Variants in ARHGAP26 observed in about 807,000 individuals in gnomAD.
ARHGAP26 encodes the protein rho GTPase-activating protein 26.
A neutral mutation model predicts 104.8 loss-of-function variants in ARHGAP26; 38 were observed. That is an observed-to-expected ratio of 0.36 (90% confidence interval 0.28 to 0.48). ARHGAP26 has a LOEUF of 0.48. ARHGAP26 is among the 20% of genes least tolerant of loss of function. The probability of loss-of-function intolerance (pLI) is 0.99; values close to 1 mark genes in which losing one functional copy is unlikely to be tolerated. For missense variants in ARHGAP26, 704 were observed against 947.9 expected, an observed-to-expected ratio of 0.74 and a Z score of 3.38; for synonymous variants, 341 against 340.0, an observed-to-expected ratio of 1.00 and a Z score of -0.03.
chr5:143,038,587 G>A (rs1458144525), intron 13 of ARHGAP26, among the ~76,000 whole-genome samples: 1 of 149,284 alleles, frequency 6.7e-6, no homozygotes, highest in Non-Finnish European at 1.5e-5. Context: ...CGGGCCAAAT[G>A]TCTCAAAAAT....
chr5:142,972,817 C>A (rs1275620097), intron 11 of ARHGAP26, among the ~76,000 whole-genome samples: 1 of 152,120 alleles, frequency 6.6e-6, no homozygotes, highest in Non-Finnish European at 1.5e-5. Flanking sequence ...CTACCCCAAA[C>A]CTGGTAATCA....
chr5:143,173,372 AGGGT>A (rs1478224031), intron 20 of ARHGAP26, among the ~76,000 whole-genome samples: 2 of 152,180 alleles, frequency 1.3e-5, no homozygotes, highest in Non-Finnish European at 2.9e-5. Context: ...ACCATTCTGC[AGGGT>A]GTGCAGGAGC....
At chr5:143,036,633 G>T (rs1782681221) in intron 12 of ARHGAP26, among the ~76,000 whole-genome samples, 1 of 152,102 alleles carries the variant, frequency 6.6e-6, no homozygotes. Context: ...GATGGTATGG[G>T]CTCTAGAGCA....
chr5:142,972,906 A>G (rs1772493354), intron 11 of ARHGAP26, among the ~76,000 whole-genome samples: 1 of 151,658 alleles, frequency 6.6e-6, no homozygotes, highest in Non-Finnish European at 1.5e-5. Context: ...AGATCATGCA[A>G]TATTGTTATT....
chr5:142,985,697 C>T (rs1310670684), intron 11 of ARHGAP26, among the ~76,000 whole-genome samples: 3 of 133,080 alleles, frequency 2.3e-5, no homozygotes, highest in Non-Finnish European at 3.1e-5. Flanking sequence ...TGATGTTCCT[C>T]ACCCTGTGTC....
chr5:143,027,086 C>T (rs1781159844), intron 12 of ARHGAP26, among the ~76,000 whole-genome samples: 1 of 152,008 alleles, frequency 6.6e-6, no homozygotes, highest in Non-Finnish European at 1.5e-5. Context: ...CTCATTCTTT[C>T]AGCCAGGTTG....
rs1158338407 is a variant in ARHGAP26, at chr5:143,012,540, T to TATATATAC, written c.1108-1537_1108-1536insTATACATA. ...TAGAGTCACTGGAGGGATATATTTA[T>TATATATAC]ATACATACATACATATATATATATA... On this transcript the variant is annotated intron_variant, in intron 11 of 22. Transcript: ENST00000645722. Among the ~76,000 whole-genome samples the TATATATAC allele has an allele frequency of 7.2e-3, 296 of 40,954 alleles. 33 individuals carry two copies. Among genetic ancestry groups the TATATATAC allele is most frequent in the African/African-American group, 0.022 (283 of 12,636 alleles). 26.9% of individuals were successfully genotyped at this position (40,954 alleles called of 152,430 possible). A position where few individuals can be genotyped will look rare whatever the true frequency, so the allele number is the denominator to read the frequency against.
chr5:143,054,114 CTG>C (rs1280217996), intron 14 of ARHGAP26, among the ~76,000 whole-genome samples: 1 of 152,128 alleles, frequency 6.6e-6, no homozygotes, highest in Non-Finnish European at 1.5e-5. Flanking sequence ...TGAGGATAGA[CTG>C]TGAGAAATGA....
intron 20 of ARHGAP26, among the ~76,000 whole-genome samples, chr5:143,189,621 A>G (rs939249226): frequency 2.6e-5 from 4 of 152,182 alleles, no homozygotes; most frequent in Non-Finnish European, 5.9e-5. Context: ...TGTACTTCCA[A>G]TAAGTGTTTG....
intron 21 of ARHGAP26, among the ~76,000 whole-genome samples, chr5:143,209,959 C>G (rs1261423661): frequency 6.6e-6 from 1 of 152,092 alleles, no homozygotes; most frequent in Non-Finnish European, 1.5e-5. Flanking sequence ...CCACTGGGGC[C>G]TCCCTCAAAT....
intron 1 of ARHGAP26, among the ~76,000 whole-genome samples, chr5:142,804,181 A>G (rs1203386758): frequency 1.3e-5 from 2 of 152,214 alleles, no homozygotes; most frequent in African/African-American, 4.8e-5. Flanking sequence ...AGTATGTAAC[A>G]ATTTTGACCT....
intron 10 of ARHGAP26, among the ~76,000 whole-genome samples, chr5:142,927,585 TTTG>T (rs1359892571): frequency 6.6e-6 from 1 of 152,264 alleles, no homozygotes; most frequent in African/African-American, 2.4e-5. Flanking sequence ...TGGATATTTA[TTTG>T]TTGTTGTTTT....
intron 11 of ARHGAP26, among the ~76,000 whole-genome samples, chr5:143,004,565 T>C (rs1023914694): frequency 3.3e-5 from 5 of 152,204 alleles, no homozygotes; most frequent in Non-Finnish European, 7.3e-5. Context: ...AGCCTCCTGC[T>C]TTAGTGGACC....
chr5:142,965,357 G>A (rs939461747), intron 11 of ARHGAP26, among the ~76,000 whole-genome samples: 18 of 152,322 alleles, frequency 1.2e-4, no homozygotes, highest in East Asian at 9.7e-4. Flanking sequence ...TCCCTTTCCC[G>A]GTCTGCTAAG....
intron 1 of ARHGAP26, among the ~76,000 whole-genome samples, chr5:142,852,399 A>G (rs1036460018): frequency 2.0e-5 from 3 of 152,260 alleles, no homozygotes; most frequent in African/African-American, 2.4e-5. Context: ...GCTAAGGTCA[A>G]AGGCATTCTT....
chr5:142,927,718 A>G (rs1323000477), intron 10 of ARHGAP26, among the ~76,000 whole-genome samples: 1 of 152,184 alleles, frequency 6.6e-6, no homozygotes, highest in Non-Finnish European at 1.5e-5. Flanking sequence ...GTCATAGGGC[A>G]GGTTTATGTT....
intron 20 of ARHGAP26, among the ~76,000 whole-genome samples, chr5:143,176,474 G>A (rs1172091605): frequency 2.0e-5 from 3 of 152,282 alleles, no homozygotes; most frequent in African/African-American, 7.2e-5. Context: ...GTTTGTTTTC[G>A]AGAGTTTTTG....
intron 22 of ARHGAP26, 146 bp downstream of exon 22, chr5:143,214,234 T>G: frequency 1.8e-6 from 1 of 568,588 alleles, no homozygotes; most frequent in Non-Finnish European, 3.1e-6. Context: ...CTGTGTGTGT[T>G]GGTTTCTGTG....
At chr5:142,918,763 A>C (rs1184776919) in intron 10 of ARHGAP26, among the ~76,000 whole-genome samples, 2 of 152,182 alleles carry the variant, frequency 1.3e-5, no homozygotes, top group African/African-American at 4.8e-5. Flanking sequence ...CTTTCCCTCA[A>C]AAAGATTTCA....
Sources: allele counts gnomAD v4.1 joint callset (sites outside exome capture counted in the v4.1 genomes callset), GRCh38; gene constraint gnomAD v4.1.1; transcripts MANE v1.5; gene names NCBI Gene and HGNC (gene_info 2026-07-23, HGNC 2026-07-21).